The following GRID2 variants were observed in gnomAD, a reference collection of about 807,000 sequenced individuals.
GRID2 encodes glutamate receptor ionotropic, delta-2.
GRID2 carries 33 observed loss-of-function variants against 114.8 expected under a neutral mutation model. That is an observed-to-expected ratio of 0.29 (90% CI 0.22 to 0.38). The LOEUF is 0.38. Among genes scored for constraint, GRID2 ranks in the 10% least tolerant of loss-of-function variants. GRID2 has a pLI of 1.00. For missense variants in GRID2, 1,184 were observed against 1,257.7 expected, an observed-to-expected ratio of 0.94 and a Z score of 0.89; for synonymous variants, 505 against 449.9, an observed-to-expected ratio of 1.12 and a Z score of -1.55.
intron 8 of GRID2, among the ~76,000 whole-genome samples, chr4:93,249,080 T>G (rs925608126): frequency 1.3e-5 from 2 of 152,236 alleles, no homozygotes; most frequent in African/African-American, 4.8e-5. Context: ...GCTTTCAGTT[T>G]TCTGCATATG....
intron 8 of GRID2, among the ~76,000 whole-genome samples, chr4:93,375,788 G>A (rs1291478195): frequency 6.6e-6 from 1 of 152,092 alleles, no homozygotes; most frequent in Non-Finnish European, 1.5e-5. Flanking sequence ...AAATATTTCA[G>A]CACATGAATG....
At chr4:92,334,453 T>C (rs1174383390) in intron 1 of GRID2, among the ~76,000 whole-genome samples, 5 of 152,166 alleles carry the variant, frequency 3.3e-5, no homozygotes, top group East Asian at 3.9e-4. Context: ...TTATTTCTTA[T>C]AGTTCTTCAA....
intron 1 of GRID2, among the ~76,000 whole-genome samples, chr4:92,326,914 T>A (rs1279081347): frequency 1.3e-5 from 2 of 151,934 alleles, no homozygotes; most frequent in Non-Finnish European, 2.9e-5. Context: ...GCACTTCTTT[T>A]TTCCTCAGGT....
chr4:93,784,791 T>C (rs181125029), intron 1 of GRID2, among the ~76,000 whole-genome samples: 1 of 152,050 alleles, frequency 6.6e-6, no homozygotes, highest in Non-Finnish European at 1.5e-5. Flanking sequence ...ATAAAAGTGA[T>C]ACAATGTATT....
At chr4:93,715,151 C>T (rs913985810) in intron 14 of GRID2, among the ~76,000 whole-genome samples, 3 of 152,158 alleles carry the variant, frequency 2.0e-5, no homozygotes, top group African/African-American at 7.2e-5. Flanking sequence ...CTGCCTATGG[C>T]TAACCAGTTC....
At chr4:93,036,582 G>C (rs1290640934) in intron 2 of GRID2, among the ~76,000 whole-genome samples, 1 of 152,062 alleles carries the variant, frequency 6.6e-6, no homozygotes, top group African/African-American at 2.4e-5. Flanking sequence ...TTTGCTAATA[G>C]TCATAAAAAG....
At chr4:92,777,607 A>G (rs543132147) in intron 2 of GRID2, among the ~76,000 whole-genome samples, 1 of 152,146 alleles carries the variant, frequency 6.6e-6, no homozygotes, top group South Asian at 2.1e-4. Context: ...CCTCAACGTG[A>G]CTATATTTAG....
chr4:93,135,711 G>A (rs1735181119), intron 4 of GRID2, among the ~76,000 whole-genome samples: 2 of 152,090 alleles, frequency 1.3e-5, no homozygotes, highest in Admixed American at 1.3e-4. Flanking sequence ...CTAAGCCCTA[G>A]TCCTATTTTT....
At position 93,643,990 on chromosome 4, in the gene GRID2, G is replaced by A. The variant is rs1721859354; in HGVS notation, c.2360+17555G>A. Reference sequence around the variant, plus strand: ...ATTCCGTGGGCGTAGGACCCTCCGAGCCAGGTGTGGGATATAGTCTCGTGG... The same window carrying A: ...ATTCCGTGGGCGTAGGACCCTCCGAACCAGGTGTGGGATATAGTCTCGTGG... On this transcript the variant is annotated intron_variant, in intron 14 of 15. Coordinates refer to ENST00000282020, the MANE Select transcript of GRID2 (RefSeq NM_001510.4). Among the ~76,000 whole-genome samples, 2 of 97,670 alleles carry A rather than the reference G, an allele frequency of 2.0e-5. 1 individual carries two copies. Among genetic ancestry groups the A allele is most frequent in the Admixed American group, 1.8e-4 (2 of 11,084 alleles). The allele number at this position is 97,670 out of a possible 152,430, so 64.1% of individuals were successfully genotyped here. A position where few individuals can be genotyped will look rare whatever the true frequency, so the allele number is the denominator to read the frequency against.
intron 8 of GRID2, among the ~76,000 whole-genome samples, chr4:93,299,691 A>G (rs1754668715): frequency 6.6e-6 from 1 of 152,068 alleles, no homozygotes; most frequent in Admixed American, 6.6e-5. Flanking sequence ...CCTAGAACTT[A>G]AAGTATAATA....
intron 13 of GRID2, among the ~76,000 whole-genome samples, chr4:93,596,348 G>A (rs1466065111): frequency 1.3e-5 from 2 of 152,178 alleles, no homozygotes; most frequent in Non-Finnish European, 2.9e-5. Flanking sequence ...GGGAGGCCGA[G>A]GAGGGCGATC....
At chr4:93,251,874 T>G (rs1748974609) in intron 8 of GRID2, among the ~76,000 whole-genome samples, 1 of 152,196 alleles carries the variant, frequency 6.6e-6, no homozygotes, top group African/African-American at 2.4e-5. Flanking sequence ...TTCCATTGTG[T>G]ATATGTACCA....
intron 8 of GRID2, among the ~76,000 whole-genome samples, chr4:93,322,192 C>T (rs1757301587): frequency 6.6e-6 from 1 of 151,964 alleles, no homozygotes; most frequent in South Asian, 2.1e-4. Context: ...GCTATCCCTC[C>T]CCGCTTCCCC....
intron 13 of GRID2, among the ~76,000 whole-genome samples, chr4:93,599,246 G>T (rs1739429715): frequency 6.6e-6 from 1 of 152,190 alleles, no homozygotes; most frequent in South Asian, 2.1e-4. Flanking sequence ...TTCCACTAGA[G>T]AATGCAAAAG....
intron 2 of GRID2, among the ~76,000 whole-genome samples, chr4:93,035,673 G>T (rs1356921902): frequency 2.0e-5 from 3 of 152,082 alleles, no homozygotes; most frequent in African/African-American, 2.4e-5. Context: ...CTTTGTGGCT[G>T]TTGGCAGGCC....
chr4:92,983,358 G>A (rs1286479502), intron 2 of GRID2, among the ~76,000 whole-genome samples: 2 of 151,952 alleles, frequency 1.3e-5, no homozygotes, highest in Non-Finnish European at 2.9e-5. Flanking sequence ...GCCTTTTTAA[G>A]GTTACCTAAG....
chr4:92,319,947 A>G (rs1167309856), intron 1 of GRID2, among the ~76,000 whole-genome samples: 1 of 152,218 alleles, frequency 6.6e-6, no homozygotes, highest in Non-Finnish European at 1.5e-5. Flanking sequence ...TGCTGTAAAT[A>G]TAAGAGAAGA....
chr4:93,625,116 T>C (rs1742581833), intron 13 of GRID2, among the ~76,000 whole-genome samples: 1 of 152,128 alleles, frequency 6.6e-6, no homozygotes, highest in South Asian at 2.1e-4. Flanking sequence ...TCAATGTGAG[T>C]TGTACTTGCA....
chr4:93,622,768 A>T (rs1578420496), intron 13 of GRID2, among the ~76,000 whole-genome samples: 1 of 152,228 alleles, frequency 6.6e-6, no homozygotes, highest in Non-Finnish European at 1.5e-5. Flanking sequence ...TGTTTCATAC[A>T]AAACTTTTTA....
Sources: allele counts gnomAD v4.1 joint callset (sites outside exome capture counted in the v4.1 genomes callset), GRCh38; gene constraint gnomAD v4.1.1; transcripts MANE v1.5; gene names NCBI Gene and HGNC (gene_info 2026-07-23, HGNC 2026-07-21).